The following DSG1 variants were observed in gnomAD, a reference collection of about 807,000 sequenced individuals.
DSG1 encodes desmoglein-1.
A neutral mutation model predicts 97.5 loss-of-function variants in DSG1; 39 were observed. The ratio of observed to expected loss-of-function variants is 0.40; its 90% CI spans 0.31 to 0.52. The LOEUF (loss-of-function observed/expected upper bound fraction) is 0.52, where lower values mean the gene tolerates loss of function less well. Ranked by LOEUF, DSG1 falls within the 20% of genes least tolerant of loss-of-function variation. The pLI, the probability that DSG1 is intolerant of heterozygous loss-of-function variation, is 0.53. For missense variants in DSG1, 1,311 were observed against 1,295.4 expected, an observed-to-expected ratio of 1.01 and a Z score of -0.18; for synonymous variants, 475 against 443.4, an observed-to-expected ratio of 1.07 and a Z score of -0.90.
At chr18:31,345,613 TGCTTCTAGTTATACACTGGG>T (rs1381431736) in intron 13 of DSG1, 7 of 184,094 alleles carry the variant, frequency 3.8e-5, no homozygotes, top group South Asian at 9.6e-5. Flanking sequence ...GGATGTCCTG[TGCTTCTAGTTATACACTGGG>T]GCTTCTAGTT....
intron 14 of DSG1, among the ~76,000 whole-genome samples, chr18:31,346,489 T>C (rs1309975067): frequency 6.6e-6 from 1 of 152,094 alleles, no homozygotes; most frequent in African/African-American, 2.4e-5. Flanking sequence ...AAATGAACCC[T>C]CCCTCTTATC....
chr18:31,353,511 C>T (rs1379800533), intron 14 of DSG1, among the ~76,000 whole-genome samples: 1 of 152,234 alleles, frequency 6.6e-6, no homozygotes, highest in Non-Finnish European at 1.5e-5. Flanking sequence ...GTTCGAGCTT[C>T]CTGTCTGCTT....
Position 31,357,204 on chromosome 18 carries a change from G to T in DSG1, c.*1858G>T, listed in dbSNP as rs1156839984. The stretch of plus-strand genomic sequence containing the variant: ...AACAGATAAGGCTAATATTTTAAAA[G>T]CCACAGTATACATCTTCTTTTAACT... On this transcript the variant is annotated 3_prime_UTR_variant, in exon 15 of 15. Transcript: ENST00000257192. 6.6e-6 allele frequency among the ~76,000 whole-genome samples: 1 copy of T among 152,026 alleles called. No homozygotes were observed. Among genetic ancestry groups the T allele is most frequent in the Non-Finnish European group, 1.5e-5 (1 of 67,932 alleles).
At chr18:31,338,502 T>G in intron 10 of DSG1, 48 bp downstream of exon 10, 1 of 1,582,030 alleles carries the variant, frequency 6.3e-7, no homozygotes. Context: ...AAGCTGTATA[T>G]ACCTTAAGAT....
At chr18:31,335,252 C>T (rs1378211138) in intron 8 of DSG1, among the ~76,000 whole-genome samples, 1 of 152,156 alleles carries the variant, frequency 6.6e-6, no homozygotes, top group Admixed American at 6.5e-5. Context: ...AGCACAGAAC[C>T]TGCATAAGTT....
At chr18:31,330,945 A>G (rs7229263) in intron 5 of DSG1, among the ~76,000 whole-genome samples, 90,801 of 151,840 alleles carry the variant, frequency 0.6, 28,683 homozygotes, top group African/African-American at 0.75. Context: ...GACAGATGCC[A>G]TGAAGCATTT....
At position 31,355,190 on chromosome 18, in the gene DSG1, T is replaced by C. The variant is rs1234275452; in HGVS notation, c.2994T>C (p.Gly998=). 6 of 1,602,402 alleles carry C rather than the reference T, an allele frequency of 3.7e-6. No homozygotes were observed. In the Admixed American group the frequency reaches 1.0e-4, roughly 27 times the overall value. ...SGALSGAGIS[G]GGIGLSSLGG... is the part of the protein sequence containing the mutation. ...CCCTGAGTGGAGCTGGCATAAGTGGTGGTGGCATTGGCCTGAGCAGCTTGG... is the reference window on the plus strand; with the variant it reads ...CCCTGAGTGGAGCTGGCATAAGTGGCGGTGGCATTGGCCTGAGCAGCTTGG... Residue 998 remains glycine (G), a synonymous_variant, in exon 15 of 15, where the codon GGT becomes GGC. Transcript: ENST00000257192.
At chr18:31,328,374 T>A (rs1479259920) in intron 4 of DSG1, 30 bp downstream of exon 4, 1 of 1,599,504 alleles carries the variant, frequency 6.3e-7, no homozygotes, top group East Asian at 2.2e-5. Flanking sequence ...ATATATATGT[T>A]CATGCTTAAA....
At chr18:31,318,476 G>T in intron 1 of DSG1, 128 bp downstream of exon 1, 1 of 805,160 alleles carries the variant, frequency 1.2e-6, no homozygotes, top group East Asian at 2.5e-5. Flanking sequence ...ATGACAAGAT[G>T]ATTTTATGAA....
chr18:31,352,973 C>G (rs1312816580), intron 14 of DSG1, among the ~76,000 whole-genome samples: 1 of 149,296 alleles, frequency 6.7e-6, no homozygotes, highest in African/African-American at 2.5e-5. Flanking sequence ...CTCAGCTTGT[C>G]AAAGTCATTC....
At position 31,346,112 on chromosome 18, in the gene DSG1, T is replaced by A. The variant is rs1303991548; in HGVS notation, c.2014T>A (p.Tyr672Asn). The change falls in exon 14 of 15, where the codon TAC becomes AAC. Residue 672 changes from tyrosine to asparagine, a missense_variant. This residue lies in a region of DSG1 where 1,038 missense variants were observed against 964.6 expected (regional missense o/e 1.08). Transcript: ENST00000257192. ...AGGAATGCCTGAGATATGTCAAGAA[T>A]ACTCTGGAACATTAAGAAGAAATTC... ...TSGMPEICQE[Y>N]SGTLRRNSMR... The A allele has an allele frequency of 6.2e-7, 1 of 1,613,860 alleles. No individual in the cohort carries two copies. The highest frequency in any genetic ancestry group is 8.5e-7 in the Non-Finnish European group (1 of 1,179,782).
In DSG1 at chr18:31,356,622, T is replaced by A. The variant is rs1305538959; in HGVS notation, c.*1276T>A. 1 of 152,160 alleles carries A rather than the reference T, an allele frequency of 6.6e-6. No homozygotes were observed. The highest frequency in any genetic ancestry group is 6.5e-5 in the Admixed American group (1 of 15,276). 9.4% of individuals were successfully genotyped at this position (152,160 alleles called of 1,614,324 possible). A position where few individuals can be genotyped will look rare whatever the true frequency, so the allele number is the denominator to read the frequency against. On this transcript the variant is annotated 3_prime_UTR_variant, in exon 15 of 15. Coordinates refer to ENST00000257192, the MANE Select transcript of DSG1 (RefSeq NM_001942.4). Reference sequence around the variant, plus strand: ...CAGGAACCTTTAGCAGAATTGACAATATGGTGTTGATAAGCATGAAATAAT... The same window carrying A: ...CAGGAACCTTTAGCAGAATTGACAAAATGGTGTTGATAAGCATGAAATAAT...
At chr18:31,322,757 C>T (rs975539177) in intron 1 of DSG1, among the ~76,000 whole-genome samples, 7 of 152,106 alleles carry the variant, frequency 4.6e-5, no homozygotes, top group Admixed American at 6.6e-5. Context: ...TAGAATTCAA[C>T]GCTTAGCAAA....
Position 31,328,260 on chromosome 18 carries a change from A to G in DSG1, c.288A>G (p.Pro96=), listed in dbSNP as rs561317580. The stretch of plus-strand genomic sequence containing the variant: ...CTGGAGTAGGAATTGATCAGCCACC[A>G]TATGGGATCTTTGTCATTAATCAGA... ...RISGVGIDQP[P]YGIFVINQKT... is the part of the protein sequence containing the mutation. The change falls in exon 4 of 15, where the codon CCA becomes CCG. Residue 96 remains proline (P), a synonymous_variant. Transcript: ENST00000257192. 2.5e-6 allele frequency: 4 copies of G among 1,613,660 alleles called. No individual in the cohort carries two copies. The highest frequency in any genetic ancestry group is 1.7e-4 in the Middle Eastern group (1 of 6,060).
chr18:31,341,182 C>T (rs2071786755), intron 11 of DSG1, among the ~76,000 whole-genome samples: 1 of 152,170 alleles, frequency 6.6e-6, no homozygotes, highest in African/African-American at 2.4e-5. Flanking sequence ...AGAACAGGAG[C>T]TCTAAAGTAA....
intron 1 of DSG1, among the ~76,000 whole-genome samples, chr18:31,326,045 T>C (rs899480230): frequency 1.3e-5 from 2 of 152,084 alleles, no homozygotes; most frequent in Admixed American, 6.5e-5. Flanking sequence ...GTAATTCTCA[T>C]AATAAAAACA....
rs886151176 is a variant in DSG1 at position 31,358,561 on chromosome 18, G to A, written c.*3215G>A. 6.6e-6 allele frequency among the ~76,000 whole-genome samples: 1 copy of A among 151,652 alleles called. No individual in the cohort carries two copies. Among genetic ancestry groups the A allele is most frequent in the Non-Finnish European group, 1.5e-5 (1 of 67,824 alleles). On this transcript the variant is annotated 3_prime_UTR_variant, in exon 15 of 15. Coordinates refer to ENST00000257192, the MANE Select transcript of DSG1 (RefSeq NM_001942.4). ...GTAAGTAGATGTTTTTAGTTATCTG[G>A]CAATTTATTTCTGAATTTATACCAA...
chr18:31,343,610 C>T (rs1443330342), intron 12 of DSG1, 27 bp downstream of exon 12: 2 of 1,613,910 alleles, frequency 1.2e-6, no homozygotes, highest in Non-Finnish European at 1.7e-6. Flanking sequence ...AAGAAATAGC[C>T]GTTGGTAGTC....
rs28705848 is a variant in DSG1, at chr18:31,346,072, G to C, written c.1974G>C (p.Glu658Asp). 6.2e-7 allele frequency: 1 copy of C among 1,613,840 alleles called. No homozygotes were observed. Among genetic ancestry groups the C allele is most frequent in the South Asian group, 1.1e-5 (1 of 91,066 alleles). The change falls in exon 14 of 15, where the codon GAG (glutamate) becomes GAC (aspartate). Residue 658 changes from glutamate to aspartate, a missense_variant. By Grantham distance (45) the Glu-to-Asp change is conservative (BLOSUM62 2). Around this residue, in one of 3 missense-constraint regions of DSG1, gnomAD observed 1,038 missense variants for 964.6 expected, o/e 1.08. Transcript: ENST00000257192. Reference sequence around the variant, plus strand: ...GAATGACAGGATTTGAACTAACAGAGGGAGTTAAAACTTCAGGAATGCCTG... The same window carrying C: ...GAATGACAGGATTTGAACTAACAGACGGAGTTAAAACTTCAGGAATGCCTG... ...GERMTGFELT[E>D]GVKTSGMPEI...
Sources: gnomAD v4.1 joint callset for allele counts (sites outside exome capture counted in the v4.1 genomes callset) on GRCh38, gnomAD v4.1.1 for gene constraint, gnomAD v4.1.1 regional missense constraint, MANE v1.5 for transcripts, NCBI Gene and HGNC (gene_info 2026-07-23, HGNC 2026-07-21) for gene names.